Variants in ACACA observed in about 807,000 individuals in gnomAD.
ACACA encodes acetyl-CoA carboxylase alpha.
ACACA carries 103 observed loss-of-function variants against 296.1 expected under a neutral mutation model. The ratio of observed to expected loss-of-function variants is 0.35; its 90% CI spans 0.30 to 0.41. ACACA has a LOEUF of 0.41. Ranked by LOEUF, ACACA falls within the 10% of genes least tolerant of loss-of-function variation. ACACA has a pLI of 1.00. For synonymous variants in ACACA, 953 were observed against 1,038.6 expected, an observed-to-expected ratio of 0.92 and a Z score of 1.58; for missense variants, 1,554 against 2,989.7, an observed-to-expected ratio of 0.52 and a Z score of 11.20.
chr17:37,255,871 C>T lies in ACACA; in HGVS notation c.1826+1832G>A, dbSNP rs1439879473. 3.9e-5 allele frequency among the ~76,000 whole-genome samples: 6 copies of T among 151,970 alleles called. No individual in the cohort carries two copies. The East Asian group carries it at 7.7e-4, about 20-fold the overall frequency. ...CAGTGATTCTCCTGCCTCAGCTTCC[C>T]GAGTAGCTGGGATTACAGGCAGTTG... On this transcript the variant is annotated intron_variant, in intron 14 of 55. Transcript: ENST00000616317.
intron 3 of ACACA, among the ~76,000 whole-genome samples, chr17:37,309,198 T>A (rs928098005): frequency 1.8e-4 from 28 of 151,716 alleles, no homozygotes; most frequent in Admixed American, 7.9e-4. Context: ...TTAAAAAAAA[T>A]TTTTTTTTGT....
At chr17:37,104,885 G>A (rs897030114) in intron 52 of ACACA, among the ~76,000 whole-genome samples, 1 of 144,864 alleles carries the variant, frequency 6.9e-6, no homozygotes, top group Non-Finnish European at 1.5e-5. Context: ...GGTGTGGTGA[G>A]CTGTGATCAT....
chr17:37,144,349 C>T (rs1309814570), intron 45 of ACACA: 26 of 495,908 alleles, frequency 5.2e-5, no homozygotes, highest in South Asian at 4.9e-4. Context: ...CTGGCTCTCG[C>T]TTGCCCCGGC....
chr17:37,130,114 C>G lies in ACACA; in HGVS notation c.5784G>C (p.Gly1928=). The change falls in exon 46 of 56, where the codon GGG becomes GGC. Residue 1928 remains glycine (G), a synonymous_variant. Coordinates refer to ENST00000616317, the MANE Select transcript of ACACA (RefSeq NM_198834.3). ...ACAGCCAGTGCAGGACAGTGAAAAC[C>G]CCTTCAAAGTCATCACACACAGTGC... The part of the protein sequence containing the change: ...THCTVCDDFE[G]VFTVLHWLSY... The G allele has an allele frequency of 6.2e-7, 1 of 1,614,132 alleles. No individual in the cohort carries two copies. Among genetic ancestry groups the G allele is most frequent in the Non-Finnish European group, 8.5e-7 (1 of 1,180,016 alleles).
intron 3 of ACACA, among the ~76,000 whole-genome samples, chr17:37,312,881 A>C (rs949409432): frequency 6.6e-6 from 1 of 152,168 alleles, no homozygotes; most frequent in Non-Finnish European, 1.5e-5. Flanking sequence ...ATTTTTAAAG[A>C]AACAAAAAAA....
At chr17:37,160,499 A>C (rs1209264483) in intron 42 of ACACA, among the ~76,000 whole-genome samples, 1 of 152,160 alleles carries the variant, frequency 6.6e-6, no homozygotes, top group Non-Finnish European at 1.5e-5. Context: ...TGCGTGTTAC[A>C]GGTTTGAGGG....
chr17:37,335,340 TTCC>T (rs2048067575), intron 2 of ACACA, among the ~76,000 whole-genome samples: 1 of 152,150 alleles, frequency 6.6e-6, no homozygotes, highest in African/African-American at 2.4e-5. Flanking sequence ...TAGGTCCTCT[TTCC>T]AATCTGGAAA....
intron 54 of ACACA, 98 bp downstream of exon 54, chr17:37,096,898 C>A: frequency 1.4e-6 from 2 of 1,410,498 alleles, no homozygotes; most frequent in East Asian, 4.6e-5. Context: ...TCTACTCCTG[C>A]CCTTAGAGGC....
Position 37,330,161 on chromosome 17 carries a change from ACT to A in ACACA, c.338+10_338+11del, listed in dbSNP as rs759663863. On this transcript the variant is annotated intron_variant, in intron 3 of 55. Coordinates refer to ENST00000616317, the MANE Select transcript of ACACA (RefSeq NM_198834.3). ...ACAGATTAAATAAGTAGACCATTGA[ACT>A]CTCTCTTACCTTATGTGCAAGGCCA... 5 of 1,613,704 alleles carry A rather than the reference ACT, an allele frequency of 3.1e-6. No homozygotes were observed. The highest frequency in any genetic ancestry group is 2.2e-5 in the East Asian group (1 of 44,858).
At chr17:37,241,762 G>T (rs1343545382) in intron 23 of ACACA, among the ~76,000 whole-genome samples, 191 bp downstream of exon 23, 1 of 152,064 alleles carries the variant, frequency 6.6e-6, no homozygotes, top group African/African-American at 2.4e-5. Context: ...ATATTAAGAA[G>T]TCAGAAATAT....
At chr17:37,245,522 T>C (rs2080652080) in intron 19 of ACACA, among the ~76,000 whole-genome samples, 1 of 152,264 alleles carries the variant, frequency 6.6e-6, no homozygotes, top group Non-Finnish European at 1.5e-5. Context: ...AATATCCTCA[T>C]ACCAGTGAAT....
intron 50 of ACACA, among the ~76,000 whole-genome samples, chr17:37,115,631 AAAG>A (rs1220569905): frequency 8.5e-5 from 13 of 152,230 alleles, no homozygotes; most frequent in African/African-American, 1.9e-4. Flanking sequence ...GACATCTCAA[AAAG>A]AAGGGGAGAT....
intron 3 of ACACA, among the ~76,000 whole-genome samples, chr17:37,307,475 T>C (rs1283367505): frequency 1.3e-5 from 2 of 152,230 alleles, no homozygotes; most frequent in African/African-American, 4.8e-5. Context: ...TGATGACTAG[T>C]AATATTGAGC....
chr17:37,342,180 G>A (rs892412491), intron 1 of ACACA, among the ~76,000 whole-genome samples: 1 of 151,402 alleles, frequency 6.6e-6, no homozygotes, highest in Non-Finnish European at 1.5e-5. Flanking sequence ...AGATGAAGAC[G>A]GGCAGATCAC....
At chr17:37,287,569 TAA>T (rs1170331801) in intron 3 of ACACA, among the ~76,000 whole-genome samples, 1 of 69,894 alleles carries the variant, frequency 1.4e-5, no homozygotes. Flanking sequence ...ACGTCTCTAC[TAA>T]AAAAAAAAAA....
intron 45 of ACACA, among the ~76,000 whole-genome samples, chr17:37,134,302 T>G (rs928195480): frequency 6.6e-6 from 1 of 152,172 alleles, no homozygotes; most frequent in African/African-American, 2.4e-5. Context: ...GAGATCAAGA[T>G]AAACACGTAC....
At chr17:37,184,863 A>C (rs1464793866) in intron 39 of ACACA, among the ~76,000 whole-genome samples, 3 of 152,090 alleles carry the variant, frequency 2.0e-5, no homozygotes, top group Admixed American at 1.3e-4. Flanking sequence ...AAAAAAAAAA[A>C]AAATCCATGA....
At chr17:37,151,565 T>C in intron 43 of ACACA, 144 bp from the exon 44 acceptor site, 1 of 985,248 alleles carries the variant, frequency 1.0e-6, no homozygotes, top group Non-Finnish European at 1.5e-6. Flanking sequence ...CCTTTTATAC[T>C]CTTCATTCAT....
chr17:37,336,532 T>G (rs557579031), intron 2 of ACACA, among the ~76,000 whole-genome samples: 4 of 152,008 alleles, frequency 2.6e-5, no homozygotes, highest in African/African-American at 9.7e-5. Flanking sequence ...GATAAAGAAA[T>G]AGCCAATCAT....
Sources: allele counts gnomAD v4.1 joint callset (sites outside exome capture counted in the v4.1 genomes callset), GRCh38; gene constraint gnomAD v4.1.1; transcripts MANE v1.5; gene names NCBI Gene and HGNC (gene_info 2026-07-23, HGNC 2026-07-21).